RBMS3: variants seen among roughly 807,000 people sequenced by gnomAD.
RBMS3 encodes RNA binding motif single stranded interacting protein 3, also known as RNA-binding motif, single-stranded-interacting protein 3.
RBMS3 carries 27 observed loss-of-function variants against 66.8 expected under a neutral mutation model. That is an observed-to-expected ratio of 0.40 (90% CI 0.30 to 0.56). RBMS3 has a LOEUF of 0.56. Ranked by LOEUF, RBMS3 falls within the 20% of genes least tolerant of loss-of-function variation. RBMS3 has a pLI of 0.40. For missense variants in RBMS3, 513 were observed against 549.5 expected (o/e 0.93, Z 0.66); for synonymous variants, 188 against 183.0 (o/e 1.03, Z -0.22).
intron 3 of RBMS3, among the ~76,000 whole-genome samples, chr3:29,575,816 A>AT (rs2047100979): frequency 6.6e-6 from 1 of 151,934 alleles, no homozygotes; most frequent in Non-Finnish European, 1.5e-5. Flanking sequence ...TGTCATTTGC[A>AT]TTTTTAAACT....
At chr3:29,819,634 C>T (rs527960828) in intron 6 of RBMS3, among the ~76,000 whole-genome samples, 2 of 151,840 alleles carry the variant, frequency 1.3e-5, no homozygotes, top group African/African-American at 4.8e-5. Flanking sequence ...TTATTTAATC[C>T]CCCATTTTTT....
intron 1 of RBMS3, among the ~76,000 whole-genome samples, chr3:29,352,169 G>A (rs1351124715): frequency 6.6e-6 from 1 of 151,792 alleles, no homozygotes; most frequent in African/African-American, 2.4e-5. Flanking sequence ...CTCCCTTCTT[G>A]ATTCTTAATT....
intron 6 of RBMS3, among the ~76,000 whole-genome samples, chr3:29,801,547 C>G (rs1478748753): frequency 8.1e-6 from 1 of 122,838 alleles, no homozygotes; most frequent in Non-Finnish European, 1.8e-5. Context: ...GGATTACAGG[C>G]ATGAGCACCT....
At chr3:29,723,043 T>C (rs2053710263) in intron 4 of RBMS3, among the ~76,000 whole-genome samples, 1 of 152,128 alleles carries the variant, frequency 6.6e-6, no homozygotes, top group African/African-American at 2.4e-5. Context: ...CGGCATGATC[T>C]TGGCTCACTG....
intron 4 of RBMS3, among the ~76,000 whole-genome samples, chr3:29,630,438 T>C (rs915159492): frequency 6.6e-6 from 1 of 151,954 alleles, no homozygotes; most frequent in African/African-American, 2.4e-5. Flanking sequence ...GACCAACTCA[T>C]TGTCAATTTC....
At chr3:29,461,973 T>C (rs910268330) in intron 2 of RBMS3, among the ~76,000 whole-genome samples, 2 of 135,208 alleles carry the variant, frequency 1.5e-5, no homozygotes, top group African/African-American at 2.8e-5. Flanking sequence ...AGATGAGGTT[T>C]CACCGTGTTA....
intron 4 of RBMS3, among the ~76,000 whole-genome samples, chr3:29,640,255 T>TACAC (rs34719305): frequency 0.011 from 1,507 of 140,106 alleles, 16 homozygotes; most frequent in South Asian, 0.03. Context: ...ACATTTTGGT[T>TACAC]ACACACACAC....
At chr3:29,988,094 A>C in intron 12 of RBMS3, 49 bp from the exon 13 acceptor site, 1 of 1,440,996 alleles carries the variant, frequency 6.9e-7, no homozygotes, top group South Asian at 1.1e-5. Flanking sequence ...TAATTTTCTC[A>C]CTGGTTGCAG....
chr3:29,414,937 A>T (rs1195007601), intron 1 of RBMS3, among the ~76,000 whole-genome samples: 5 of 152,176 alleles, frequency 3.3e-5, no homozygotes, highest in Non-Finnish European at 7.3e-5. Flanking sequence ...AAATGTAGCC[A>T]TGAGATTCAC....
chr3:29,396,848 A>G (rs969419222), intron 1 of RBMS3, among the ~76,000 whole-genome samples: 2 of 152,124 alleles, frequency 1.3e-5, no homozygotes, highest in Admixed American at 6.6e-5. Flanking sequence ...GAAAGAGTTT[A>G]TTTTCTTTAG....
chr3:29,554,933 A>G (rs2046298264), intron 3 of RBMS3, among the ~76,000 whole-genome samples: 1 of 152,172 alleles, frequency 6.6e-6, no homozygotes, highest in African/African-American at 2.4e-5. Context: ...GCTTCAGTAG[A>G]AAGATGGTTG....
intron 1 of RBMS3, among the ~76,000 whole-genome samples, chr3:29,395,734 T>C (rs2039517148): frequency 6.6e-6 from 1 of 152,188 alleles, no homozygotes; most frequent in Non-Finnish European, 1.5e-5. Context: ...TTTTAAACAT[T>C]AAAGATATTA....
chr3:29,832,310 A>G (rs891488384), intron 6 of RBMS3, among the ~76,000 whole-genome samples: 3 of 152,158 alleles, frequency 2.0e-5, no homozygotes, highest in African/African-American at 7.2e-5. Flanking sequence ...TAGGCAATAA[A>G]TCTATAAAGC....
intron 5 of RBMS3, among the ~76,000 whole-genome samples, chr3:29,743,239 T>C (rs1225339159): frequency 6.6e-6 from 1 of 152,240 alleles, no homozygotes; most frequent in Non-Finnish European, 1.5e-5. Context: ...AACTTAATTC[T>C]TGCACAAATG....
chr3:29,739,904 G>C (rs775427839), intron 5 of RBMS3, 27 bp downstream of exon 5: 4 of 1,464,114 alleles, frequency 2.7e-6, no homozygotes, highest in African/African-American at 1.5e-5. Flanking sequence ...GTATGTAATC[G>C]TTCTTTCCTC....
intron 4 of RBMS3, among the ~76,000 whole-genome samples, chr3:29,664,384 A>G (rs2050673317): frequency 6.6e-6 from 1 of 152,088 alleles, no homozygotes. Context: ...GCTACTCGGG[A>G]GGCTGAGGCC....
intron 3 of RBMS3, among the ~76,000 whole-genome samples, chr3:29,584,096 T>C (rs1014582932): frequency 3.3e-5 from 5 of 152,102 alleles, no homozygotes; most frequent in Non-Finnish European, 7.4e-5. Context: ...CAGACTTCAA[T>C]CCCCATCACT....
chr3:29,655,945 CA>C (rs57111170), intron 4 of RBMS3, among the ~76,000 whole-genome samples: 7,245 of 140,420 alleles, frequency 0.052, 581 homozygotes, highest in African/African-American at 0.18. Flanking sequence ...GCTTAAAAAG[CA>C]AAAAAAAAAA....
chr3:29,923,711 CGT>C (rs1189443320), intron 10 of RBMS3, among the ~76,000 whole-genome samples: 1 of 151,682 alleles, frequency 6.6e-6, no homozygotes, highest in African/African-American at 2.4e-5. Flanking sequence ...GGTCAGAAAA[CGT>C]GTTTTTGCAA....
Sources: gnomAD v4.1 joint callset for allele counts (sites outside exome capture counted in the v4.1 genomes callset) on GRCh38, gnomAD v4.1.1 for gene constraint, MANE v1.5 for transcripts, NCBI Gene and HGNC (gene_info 2026-07-23, HGNC 2026-07-21) for gene names.